SULF2: variants seen among roughly 807,000 people sequenced by gnomAD.
SULF2 encodes sulfatase 2.
In SULF2, 52 loss-of-function variants were observed where a neutral mutation model predicts 107.7. The ratio of observed to expected loss-of-function variants is 0.48; its 90% CI spans 0.39 to 0.61. The LOEUF (loss-of-function observed/expected upper bound fraction) is 0.61. Among genes scored for constraint, SULF2 ranks in the 20% least tolerant of loss-of-function variants. The pLI, the probability that SULF2 is intolerant of heterozygous loss-of-function variation, is 0.00. For synonymous variants in SULF2, 460 were observed against 464.3 expected (o/e 0.99, Z 0.12); for missense variants, 993 against 1,177.3 (o/e 0.84, Z 2.29).
chr20:47,763,936 C>A (rs1459287934), intron 1 of SULF2, among the ~76,000 whole-genome samples: 2 of 152,192 alleles, frequency 1.3e-5, no homozygotes, highest in East Asian at 3.8e-4. Flanking sequence ...TCCAAAGGGG[C>A]TACAAGAACC....
chr20:47,690,307 G>T lies in SULF2; in HGVS notation c.568-12C>A. 6.9e-7 allele frequency: 1 copy of T among 1,446,764 alleles called. No individual in the cohort carries two copies. Among genetic ancestry groups the T allele is most frequent in the Non-Finnish European group, 9.2e-7 (1 of 1,088,716 alleles). 89.6% of individuals were successfully genotyped at this position (1,446,764 alleles called of 1,614,324 possible). A position where few individuals can be genotyped will look rare whatever the true frequency, so the allele number is the denominator to read the frequency against. ...TCTGTGAGGTAATCCTGGGGGGTGG[G>T]GAGAGACAGGAGAACAGGTGAGGAG... On this transcript the variant is annotated splice_polypyrimidine_tract_variant and intron_variant, in intron 4 of 20. Coordinates refer to ENST00000688720, the MANE Select transcript of SULF2 (RefSeq NM_001387048.1).
intron 3 of SULF2, among the ~76,000 whole-genome samples, chr20:47,731,869 A>G (rs750693382): frequency 1.3e-5 from 2 of 152,186 alleles, no homozygotes; most frequent in Non-Finnish European, 2.9e-5. Context: ...TGCTGTGGTC[A>G]TGGCTGGGAT....
intron 7 of SULF2, among the ~76,000 whole-genome samples, chr20:47,679,307 A>G (rs2087751884): frequency 6.6e-6 from 1 of 151,960 alleles, no homozygotes; most frequent in Non-Finnish European, 1.5e-5. Flanking sequence ...TCTTTGCTCT[A>G]TGACCAAGGA....
chr20:47,699,737 T>C (rs1198123364), intron 4 of SULF2, among the ~76,000 whole-genome samples: 2 of 152,204 alleles, frequency 1.3e-5, no homozygotes, highest in African/African-American at 4.8e-5. Context: ...TCTGAATTAG[T>C]TGCCAATATT....
intron 3 of SULF2, among the ~76,000 whole-genome samples, chr20:47,722,783 T>C (rs1258096751): frequency 6.7e-6 from 1 of 149,990 alleles, no homozygotes; most frequent in Non-Finnish European, 1.5e-5. Flanking sequence ...GTACAAAAAT[T>C]GGCTGGGTGC....
intron 3 of SULF2, among the ~76,000 whole-genome samples, chr20:47,704,060 T>C (rs1052768816): frequency 2.6e-5 from 4 of 152,152 alleles, no homozygotes; most frequent in Non-Finnish European, 4.4e-5. Flanking sequence ...ATGATCTTGT[T>C]CTATTTCTTG....
chr20:47,785,750 G>A (rs912957668), upstream of SULF2: 3 of 147,886 alleles, frequency 2.0e-5, no homozygotes, highest in African/African-American at 7.3e-5. Context: ...GCGTCGGGCC[G>A]GGAGCCGCGG....
chr20:47,708,396 G>A (rs1056284091), intron 3 of SULF2, among the ~76,000 whole-genome samples: 4 of 152,142 alleles, frequency 2.6e-5, no homozygotes, highest in African/African-American at 2.4e-5. Flanking sequence ...ATGACATCAC[G>A]GGGAAGAGGG....
intron 1 of SULF2, among the ~76,000 whole-genome samples, chr20:47,783,156 C>T (rs1416798219): frequency 6.6e-6 from 1 of 152,210 alleles, no homozygotes; most frequent in African/African-American, 2.4e-5. Flanking sequence ...TGCCTCAGAT[C>T]AGGCCCATAC....
At chr20:47,703,503 A>C (rs1215150743) in intron 3 of SULF2, among the ~76,000 whole-genome samples, 1 of 152,244 alleles carries the variant, frequency 6.6e-6, no homozygotes, top group Non-Finnish European at 1.5e-5. Context: ...CATTAAAGAA[A>C]TGGGCAACAC....
intron 2 of SULF2, among the ~76,000 whole-genome samples, chr20:47,745,515 T>G (rs2090015907): frequency 6.9e-6 from 1 of 144,158 alleles, no homozygotes; most frequent in Admixed American, 7.1e-5. Context: ...ACTTAATGCA[T>G]GCCAGCTTTT....
intron 2 of SULF2, among the ~76,000 whole-genome samples, chr20:47,756,397 T>C (rs1208542537): frequency 1.3e-5 from 2 of 152,220 alleles, no homozygotes; most frequent in Non-Finnish European, 2.9e-5. Flanking sequence ...ATACTTGTGA[T>C]CATTAATACA....
chr20:47,714,174 G>A (rs1368499338), intron 3 of SULF2, among the ~76,000 whole-genome samples: 1 of 152,220 alleles, frequency 6.6e-6, no homozygotes, highest in African/African-American at 2.4e-5. Context: ...ACAAAACGGG[G>A]TCTTTGCCCT....
At chr20:47,711,861 C>A (rs910030002) in intron 3 of SULF2, among the ~76,000 whole-genome samples, 4 of 152,266 alleles carry the variant, frequency 2.6e-5, no homozygotes, top group African/African-American at 9.6e-5. Flanking sequence ...ATATACAACA[C>A]ACATATACAC....
At chr20:47,684,993 A>G (rs780129143) in intron 5 of SULF2, 62 of 159,996 alleles carry the variant, frequency 3.9e-4, no homozygotes, top group Non-Finnish European at 7.1e-4. Context: ...ACCCAACTCA[A>G]ATTCCATAGC....
chr20:47,708,887 CT>C (rs1038364759), intron 3 of SULF2, among the ~76,000 whole-genome samples: 6 of 152,290 alleles, frequency 3.9e-5, no homozygotes, highest in African/African-American at 1.4e-4. Flanking sequence ...AGCATCTCCC[CT>C]TTCACGTCTC....
At chr20:47,764,484 T>G (rs886231063) in intron 1 of SULF2, among the ~76,000 whole-genome samples, 5 of 152,198 alleles carry the variant, frequency 3.3e-5, no homozygotes, top group African/African-American at 1.2e-4. Flanking sequence ...GGGCAGCGCA[T>G]GTGAGCCAGG....
In SULF2 at chr20:47,684,563, G is replaced by A. The variant is rs375934370; in HGVS notation, c.756C>T (p.Tyr252=). 3.7e-5 allele frequency: 59 copies of A among 1,613,924 alleles called. No homozygotes were observed. The highest frequency in any genetic ancestry group is 1.3e-4 in the African/African-American group (10 of 75,024). ...TCCAGTGTTTGTCCGGGTTGGGCGC[G>A]TAGTTGTAGCTCGGCGTGCTGGTGG... ...ASQHITPSYN[Y]APNPDKHWIM... Residue 252 remains tyrosine (Y), a synonymous_variant, in exon 6 of 21, where the codon TAC becomes TAT. Transcript: ENST00000688720.
chr20:47,720,025 T>A (rs1304207746), intron 3 of SULF2, among the ~76,000 whole-genome samples: 1 of 152,222 alleles, frequency 6.6e-6, no homozygotes, highest in Non-Finnish European at 1.5e-5. Context: ...CTGCACTCAC[T>A]GCAAGCTCCA....
Sources: allele counts gnomAD v4.1 joint callset (sites outside exome capture counted in the v4.1 genomes callset), GRCh38; gene constraint gnomAD v4.1.1; transcripts MANE v1.5; gene names NCBI Gene and HGNC (gene_info 2026-07-23, HGNC 2026-07-21).